Variants in HMGCLL1 observed in about 807,000 individuals in gnomAD.
HMGCLL1 encodes 3-hydroxymethyl-3-methylglutaryl-CoA lyase, cytoplasmic.
A neutral mutation model predicts 39.1 loss-of-function variants in HMGCLL1; 36 were observed. The observed-to-expected ratio is 0.92, with a 90% CI of 0.71 to 1.22. The LOEUF (loss-of-function observed/expected upper bound fraction) is 1.22, where lower values mean the gene tolerates loss of function less well. HMGCLL1 is among the 50% of genes most tolerant of loss of function. The probability of loss-of-function intolerance (pLI) is 0.00; values close to 1 mark genes in which losing one functional copy is unlikely to be tolerated. For missense variants in HMGCLL1, 451 were observed against 416.5 expected (o/e 1.08, Z -0.72); for synonymous variants, 149 against 144.0 (o/e 1.03, Z -0.25).
intron 3 of HMGCLL1, among the ~76,000 whole-genome samples, chr6:55,534,104 G>A (rs149823443): frequency 0.01 from 1,559 of 152,218 alleles, 24 homozygotes; most frequent in African/African-American, 0.036. Flanking sequence ...TATAGAGGGA[G>A]TGGATAGGAG....
At chr6:55,618,554 C>CATATT in the HMGCLL1 span, among the ~76,000 whole-genome samples, 1 of 151,716 alleles carries the variant, frequency 6.6e-6, no homozygotes, top group African/African-American at 2.4e-5. Flanking sequence ...CATGAATTTC[C>CATATT]ATATTACAGC....
chr6:55,672,734 A>G, the HMGCLL1 span, among the ~76,000 whole-genome samples: 6 of 151,960 alleles, frequency 3.9e-5, no homozygotes, highest in Non-Finnish European at 8.8e-5. Flanking sequence ...GCAAAATACT[A>G]TAATAATATA....
intron 7 of HMGCLL1, among the ~76,000 whole-genome samples, chr6:55,471,809 GCATGTT>G (rs1430205757): frequency 6.6e-6 from 1 of 151,474 alleles, no homozygotes; most frequent in Non-Finnish European, 1.5e-5. Flanking sequence ...AACATTAGCA[GCATGTT>G]CTCATGCTGC....
chr6:55,622,419 C>T, the HMGCLL1 span, among the ~76,000 whole-genome samples: 7 of 152,068 alleles, frequency 4.6e-5, no homozygotes, highest in South Asian at 6.2e-4. Context: ...TCATATATGG[C>T]GTTTATTATG....
At chr6:55,457,597 G>A (rs993507373) in intron 7 of HMGCLL1, among the ~76,000 whole-genome samples, 1 of 152,088 alleles carries the variant, frequency 6.6e-6, no homozygotes, top group African/African-American at 2.4e-5. Flanking sequence ...TTAATCTTGG[G>A]AAACACTGAA....
intron 1 of HMGCLL1, among the ~76,000 whole-genome samples, chr6:55,561,402 G>C (rs897483106): frequency 1.3e-5 from 2 of 151,988 alleles, no homozygotes; most frequent in Non-Finnish European, 2.9e-5. Context: ...TAGATCATAA[G>C]GCCCTTCAGC....
At chr6:55,435,827 A>G (rs1763348190) in intron 8 of HMGCLL1, 64 bp from the exon 9 acceptor site, 2 of 768,534 alleles carry the variant, frequency 2.6e-6, no homozygotes, top group African/African-American at 3.6e-5. Flanking sequence ...GATAAAACAT[A>G]GCCTTTTAAA....
At chr6:55,623,687 A>C in the HMGCLL1 span, among the ~76,000 whole-genome samples, 1 of 149,130 alleles carries the variant, frequency 6.7e-6, no homozygotes, top group African/African-American at 2.4e-5. Flanking sequence ...TATATAATAC[A>C]TATATACATA....
intron 3 of HMGCLL1, among the ~76,000 whole-genome samples, chr6:55,520,257 T>C (rs1259732756): frequency 1.4e-5 from 2 of 144,630 alleles, no homozygotes; most frequent in Non-Finnish European, 3.0e-5. Flanking sequence ...AATAAATAAA[T>C]AAATAAATAA....
At chr6:55,619,880 T>C in the HMGCLL1 span, among the ~76,000 whole-genome samples, 1 of 152,136 alleles carries the variant, frequency 6.6e-6, no homozygotes, top group South Asian at 2.1e-4. Context: ...TTCTACTCTC[T>C]ATCTCCATGA....
chr6:55,548,867 CAA>C (rs1006322691), intron 1 of HMGCLL1, among the ~76,000 whole-genome samples: 2 of 149,650 alleles, frequency 1.3e-5, no homozygotes, highest in African/African-American at 5.0e-5. Flanking sequence ...AAAAATGAGA[CAA>C]AGTACATGTA....
the HMGCLL1 span, among the ~76,000 whole-genome samples, chr6:55,672,114 A>T: frequency 6.6e-6 from 1 of 151,656 alleles, no homozygotes; most frequent in African/African-American, 2.4e-5. Context: ...TTAAATTTTA[A>T]TTCTTGAGAA....
the HMGCLL1 span, among the ~76,000 whole-genome samples, chr6:55,589,398 T>C: frequency 6.6e-6 from 1 of 152,174 alleles, no homozygotes; most frequent in African/African-American, 2.4e-5. Flanking sequence ...TGATGGGATG[T>C]ATCTCAAAAT....
the HMGCLL1 span, among the ~76,000 whole-genome samples, chr6:55,633,866 A>C: frequency 6.6e-6 from 1 of 152,144 alleles, no homozygotes; most frequent in Non-Finnish European, 1.5e-5. Flanking sequence ...AAGTAGAGGC[A>C]AAAGTGCCGA....
At chr6:55,650,106 T>TATATACACACACACATATAC in the HMGCLL1 span, among the ~76,000 whole-genome samples, 1 of 71,170 alleles carries the variant, frequency 1.4e-5, no homozygotes, top group African/African-American at 6.3e-5. Context: ...TATATATATA[T>TATATACACACACACATATAC]ATATATATAT....
chr6:55,637,225 C>G, the HMGCLL1 span, among the ~76,000 whole-genome samples: 1 of 152,120 alleles, frequency 6.6e-6, no homozygotes. Flanking sequence ...TCGGCACAGT[C>G]TCCATTCTAC....
At chr6:55,580,551 G>A (rs1033049231), upstream of HMGCLL1, among the ~76,000 whole-genome samples, 4 of 151,454 alleles carry the variant, frequency 2.6e-5, no homozygotes, top group Non-Finnish European at 4.4e-5. Flanking sequence ...CAGCTGCTGG[G>A]ACTACAGGCG....
rs1766135758 is a variant in HMGCLL1 at position 55,488,129 on chromosome 6, C to T, written c.795+7290G>A. Among the ~76,000 whole-genome samples the T allele has an allele frequency of 3.3e-5, 5 of 152,110 alleles. No individual in the cohort carries two copies. The South Asian group carries it at 1.0e-3, about 32-fold the overall frequency. ...CAATACAATGTATGAAAATAAAATG[C>T]ATAATGTAATTTTGGGCTAGGAGGA... On this transcript the variant is annotated intron_variant, in intron 7 of 8. Transcript: ENST00000274901.
intron 7 of HMGCLL1, among the ~76,000 whole-genome samples, chr6:55,454,152 G>T (rs1764225306): frequency 1.3e-5 from 2 of 151,942 alleles, no homozygotes; most frequent in African/African-American, 4.8e-5. Context: ...TAACATTCTT[G>T]TAACTCAAAT....
Sources: allele counts gnomAD v4.1 joint callset (sites outside exome capture counted in the v4.1 genomes callset), GRCh38; gene constraint gnomAD v4.1.1; transcripts MANE v1.5; gene names NCBI Gene and HGNC (gene_info 2026-07-23, HGNC 2026-07-21).